The following ZNF804A variants were observed in gnomAD, a reference collection of about 807,000 sequenced individuals.
ZNF804A encodes the protein zinc finger protein 804A.
In ZNF804A, 2 loss-of-function variants were observed where a neutral mutation model predicts 16.5. The ratio of observed to expected loss-of-function variants is 0.12; its 90% CI spans 0.05 to 0.38. The LOEUF (loss-of-function observed/expected upper bound fraction) is 0.38, where lower values mean the gene tolerates loss of function less well. Ranked by LOEUF, ZNF804A falls within the 10% of genes least tolerant of loss-of-function variation. The pLI is 0.99. For synonymous variants in ZNF804A, 534 were observed against 489.6 expected (o/e 1.09, Z -1.20); for missense variants, 1,473 against 1,390.7 (o/e 1.06, Z -0.94).
chr2:184,682,080 C>A (rs1474916472), intron 1 of ZNF804A, among the ~76,000 whole-genome samples: 2 of 152,194 alleles, frequency 1.3e-5, no homozygotes, highest in Non-Finnish European at 2.9e-5. Context: ...GGAGGGAGAC[C>A]AGTGAGGGCT....
At chr2:184,882,609 TA>T (rs1684826168) in intron 2 of ZNF804A, among the ~76,000 whole-genome samples, 1 of 151,800 alleles carries the variant, frequency 6.6e-6, no homozygotes, top group Non-Finnish European at 1.5e-5. Context: ...AATAGTGAAA[TA>T]AAAATAGAAA....
chr2:184,783,746 A>G (rs1211831689), intron 1 of ZNF804A, among the ~76,000 whole-genome samples: 1 of 151,888 alleles, frequency 6.6e-6, no homozygotes, highest in African/African-American at 2.4e-5. Context: ...TAGCACATCT[A>G]AGCTCTGGAA....
At chr2:184,700,888 T>C (rs993659432) in intron 1 of ZNF804A, among the ~76,000 whole-genome samples, 1 of 151,984 alleles carries the variant, frequency 6.6e-6, no homozygotes, top group Non-Finnish European at 1.5e-5. Flanking sequence ...TTCTGATATA[T>C]GTATTCATTG....
intron 2 of ZNF804A, among the ~76,000 whole-genome samples, chr2:184,878,633 A>C (rs1170066951): frequency 1.3e-5 from 2 of 152,102 alleles, no homozygotes; most frequent in African/African-American, 4.8e-5. Flanking sequence ...TTATGTATTT[A>C]AAATATGTTG....
chr2:184,702,568 T>A (rs1402009136), intron 1 of ZNF804A, among the ~76,000 whole-genome samples: 1 of 152,074 alleles, frequency 6.6e-6, no homozygotes, highest in East Asian at 1.9e-4. Context: ...TGATAAAGAG[T>A]TCACTAAGCA....
chr2:184,836,347 C>G (rs943675640), intron 1 of ZNF804A, among the ~76,000 whole-genome samples: 2 of 151,978 alleles, frequency 1.3e-5, no homozygotes, highest in African/African-American at 4.8e-5. Context: ...TGTTCACAAA[C>G]CTAGGGGAGT....
Position 184,938,586 on chromosome 2 carries a change from A to C in ZNF804A, c.3190A>C (p.Lys1064Gln), listed in dbSNP as rs1458392585. ...TCTGCAGCCAAACATGCTGGCCAAC[A>C]AGGTTAAATTTACCTTTCCTCCAGC... is the stretch of plus-strand genomic sequence containing the variant. ...HILQPNMLAN[K>Q]VKFTFPPAAL... Residue 1064 changes from lysine to glutamine, a missense_variant, in exon 4 of 4, where the codon AAG becomes CAG. Lys to Gln is a moderately conservative substitution (Grantham distance 53, BLOSUM62 1). Coordinates refer to ENST00000302277, the MANE Select transcript of ZNF804A (RefSeq NM_194250.2). 3.1e-6 allele frequency: 5 copies of C among 1,614,002 alleles called. No homozygotes were observed. In the Admixed American group the frequency reaches 6.7e-5, roughly 22 times the overall value.
intron 1 of ZNF804A, among the ~76,000 whole-genome samples, chr2:184,865,914 T>C (rs915503987): frequency 2.0e-5 from 3 of 152,156 alleles, no homozygotes; most frequent in Admixed American, 6.5e-5. Context: ...ATATAGATAA[T>C]TGAAACAAAC....
intron 1 of ZNF804A, among the ~76,000 whole-genome samples, chr2:184,743,994 G>A (rs1341850676): frequency 6.6e-6 from 1 of 151,794 alleles, no homozygotes; most frequent in African/African-American, 2.4e-5. Context: ...ATTAGTTTTG[G>A]ATTCATATGG....
intron 1 of ZNF804A, among the ~76,000 whole-genome samples, chr2:184,749,306 G>A (rs1693841357): frequency 6.6e-6 from 1 of 151,288 alleles, no homozygotes; most frequent in South Asian, 2.1e-4. Flanking sequence ...TTGGTTAGCT[G>A]TATTCCTAGG....
chr2:184,633,510 A>G (rs922429264), intron 1 of ZNF804A, among the ~76,000 whole-genome samples: 1 of 152,220 alleles, frequency 6.6e-6, no homozygotes, highest in Non-Finnish European at 1.5e-5. Context: ...TCTGGGTAAT[A>G]AAAGTAGTTA....
chr2:184,683,074 A>G (rs1156235136), intron 1 of ZNF804A, among the ~76,000 whole-genome samples: 1 of 152,140 alleles, frequency 6.6e-6, no homozygotes, highest in Non-Finnish European at 1.5e-5. Flanking sequence ...TTTAGTTTTT[A>G]TTTTTCTTAT....
intron 1 of ZNF804A, among the ~76,000 whole-genome samples, chr2:184,858,433 G>C (rs1491003003): frequency 6.6e-6 from 1 of 151,386 alleles, no homozygotes; most frequent in Non-Finnish European, 1.5e-5. Context: ...GAACCTGGGA[G>C]GTGAAGTTTG....
chr2:184,696,537 T>A (rs928061711), intron 1 of ZNF804A, among the ~76,000 whole-genome samples: 1 of 152,180 alleles, frequency 6.6e-6, no homozygotes, highest in Non-Finnish European at 1.5e-5. Flanking sequence ...ACCTTACACA[T>A]ATAAATTATT....
chr2:184,867,392 T>C (rs1695891660), intron 2 of ZNF804A, among the ~76,000 whole-genome samples: 1 of 152,126 alleles, frequency 6.6e-6, no homozygotes, highest in Non-Finnish European at 1.5e-5. Context: ...CCTAACTTTC[T>C]GTTATATCAG....
chr2:184,894,509 C>T (rs890809472), intron 2 of ZNF804A, among the ~76,000 whole-genome samples: 5 of 151,738 alleles, frequency 3.3e-5, no homozygotes, highest in Non-Finnish European at 1.5e-5. Flanking sequence ...TTTTATTTAT[C>T]TCTCTACTAC....
intron 1 of ZNF804A, among the ~76,000 whole-genome samples, chr2:184,783,138 G>GTTTTTTTTTT (rs57207733): frequency 1.2e-5 from 1 of 86,120 alleles, no homozygotes; most frequent in Non-Finnish European, 2.1e-5. Flanking sequence ...AAAAGAGTGA[G>GTTTTTTTTTT]TTTTTTTTTT....
intron 1 of ZNF804A, among the ~76,000 whole-genome samples, chr2:184,644,321 A>G (rs565351284): frequency 6.6e-6 from 1 of 151,764 alleles, no homozygotes; most frequent in South Asian, 2.1e-4. Context: ...TGAAAATAGT[A>G]TTTATAACCC....
intron 1 of ZNF804A, among the ~76,000 whole-genome samples, chr2:184,658,634 T>C (rs1264852708): frequency 6.6e-6 from 1 of 152,164 alleles, no homozygotes; most frequent in Non-Finnish European, 1.5e-5. Flanking sequence ...GCTGGTACAC[T>C]TGGTGTCTTG....
Sources: gnomAD v4.1 joint callset for allele counts (sites outside exome capture counted in the v4.1 genomes callset) on GRCh38, gnomAD v4.1.1 for gene constraint, MANE v1.5 for transcripts, NCBI Gene and HGNC (gene_info 2026-07-23, HGNC 2026-07-21) for gene names.